The following PPP3CA variants were observed in gnomAD, a reference collection of about 807,000 sequenced individuals.
PPP3CA encodes the protein protein phosphatase 3 catalytic subunit alpha, also known as CAM-PRP catalytic subunit.
PPP3CA carries 14 observed loss-of-function variants against 66.5 expected under a neutral mutation model. The ratio of observed to expected loss-of-function variants is 0.21; its 90% CI spans 0.14 to 0.33. The LOEUF (loss-of-function observed/expected upper bound fraction) is 0.33, where lower values mean the gene tolerates loss of function less well. PPP3CA is among the 10% of genes least tolerant of loss of function. The pLI is 1.00. For synonymous variants in PPP3CA, 232 were observed against 226.2 expected, an observed-to-expected ratio of 1.03 and a Z score of -0.23; for missense variants, 317 against 639.5, an observed-to-expected ratio of 0.50 and a Z score of 5.44.
intron 2 of PPP3CA, among the ~76,000 whole-genome samples, chr4:101,141,548 C>T (rs529710881): frequency 1.4e-4 from 21 of 152,216 alleles, no homozygotes; most frequent in Non-Finnish European, 1.8e-4. Flanking sequence ...CTTCCTTTAC[C>T]TACAGAATTA....
chr4:101,226,607 C>T (rs553030164), intron 1 of PPP3CA, among the ~76,000 whole-genome samples: 2 of 151,810 alleles, frequency 1.3e-5, no homozygotes, highest in African/African-American at 4.8e-5. Flanking sequence ...AAATGCACAA[C>T]TGTGTTTCTT....
chr4:101,155,784 T>C (rs1200232077), intron 2 of PPP3CA, among the ~76,000 whole-genome samples: 1 of 152,234 alleles, frequency 6.6e-6, no homozygotes, highest in African/African-American at 2.4e-5. Context: ...TATTTTAACT[T>C]GAAATAATTT....
At chr4:101,176,008 G>A (rs958133588) in intron 2 of PPP3CA, among the ~76,000 whole-genome samples, 5 of 152,092 alleles carry the variant, frequency 3.3e-5, no homozygotes, top group Admixed American at 3.3e-4. Flanking sequence ...AATTACGGGA[G>A]AAGATGAGGG....
intron 6 of PPP3CA, among the ~76,000 whole-genome samples, chr4:101,093,416 T>G (rs983381616): frequency 1.3e-4 from 20 of 152,016 alleles, no homozygotes; most frequent in African/African-American, 4.6e-4. Context: ...GTTTTTTTTT[T>G]TTTAGATACA....
At chr4:101,204,360 G>C (rs948933314) in intron 1 of PPP3CA, among the ~76,000 whole-genome samples, 2 of 151,954 alleles carry the variant, frequency 1.3e-5, no homozygotes, top group Non-Finnish European at 1.5e-5. Flanking sequence ...AAGTAGGCCG[G>C]GCTCAGTGGC....
At chr4:101,315,319 T>C (rs935683145) in intron 1 of PPP3CA, among the ~76,000 whole-genome samples, 3 of 152,200 alleles carry the variant, frequency 2.0e-5, no homozygotes, top group Non-Finnish European at 2.9e-5. Flanking sequence ...AACCATCTAA[T>C]CTAAGGCATT....
At chr4:101,273,137 G>GAC (rs2110268497) in intron 1 of PPP3CA, among the ~76,000 whole-genome samples, 1 of 21,496 alleles carries the variant, frequency 4.7e-5, no homozygotes, top group African/African-American at 6.1e-4. Context: ...AAGTAGGATA[G>GAC]ATATTGTTTT....
chr4:101,150,186 G>C (rs529979478), intron 2 of PPP3CA, among the ~76,000 whole-genome samples: 49 of 152,284 alleles, frequency 3.2e-4, no homozygotes, highest in African/African-American at 1.1e-3. Flanking sequence ...GAAAGATTCA[G>C]AATAGGCCCA....
At chr4:101,184,993 T>C (rs761092496) in intron 2 of PPP3CA, among the ~76,000 whole-genome samples, 70 of 152,266 alleles carry the variant, frequency 4.6e-4, no homozygotes, top group Middle Eastern at 3.4e-3. Context: ...GCAAGCTATA[T>C]GCCTTAGTTA....
chr4:101,273,617 A>T (rs2583388), intron 1 of PPP3CA, among the ~76,000 whole-genome samples: 3 of 152,184 alleles, frequency 2.0e-5, no homozygotes, highest in Non-Finnish European at 4.4e-5. Flanking sequence ...GAGCCACCAC[A>T]CCTGGCCTTT....
At chr4:101,222,018 C>T (rs2851004) in intron 1 of PPP3CA, among the ~76,000 whole-genome samples, 2 of 150,994 alleles carry the variant, frequency 1.3e-5, no homozygotes, top group Admixed American at 6.6e-5. Flanking sequence ...TTTTCTTTAA[C>T]GATCTATTGA....
chr4:101,158,224 C>CA (rs1249288185), intron 2 of PPP3CA: 11 of 152,226 alleles, frequency 7.2e-5, no homozygotes, highest in Non-Finnish European at 2.9e-5. Context: ...GTCATCATCT[C>CA]AGAGTCCCCT....
intron 8 of PPP3CA, among the ~76,000 whole-genome samples, chr4:101,066,385 T>C (rs1052610435): frequency 3.3e-5 from 5 of 152,152 alleles, no homozygotes; most frequent in Admixed American, 2.6e-4. Flanking sequence ...CGTGGGTTTA[T>C]AGATAATTTA....
chr4:101,101,234 T>C (rs1049605733), intron 3 of PPP3CA, among the ~76,000 whole-genome samples: 2 of 152,206 alleles, frequency 1.3e-5, no homozygotes, highest in African/African-American at 4.8e-5. Context: ...TCTGTTGATG[T>C]ATGTAACGTT....
Position 101,029,076 on chromosome 4 carries a change from ACT to A in PPP3CA, c.1369+88_1369+89del, listed in dbSNP as rs1324591866. The A allele has an allele frequency of 1.6e-5, 21 of 1,274,586 alleles. No homozygotes were observed. In the Admixed American group the frequency reaches 3.0e-4, roughly 18 times the overall value. The allele number at this position is 1,274,586 out of a possible 1,614,324, so 79.0% of individuals were successfully genotyped here. On this transcript the variant is annotated intron_variant, in intron 13 of 13. Coordinates refer to ENST00000394854, the MANE Select transcript of PPP3CA (RefSeq NM_000944.5). ...ACAACTGTTAGCTCAACACCCACAC[ACT>A]CTGTACAAGCTACAGCAAAAAAATG...
intron 2 of PPP3CA, among the ~76,000 whole-genome samples, chr4:101,153,225 C>T (rs1362453030): frequency 6.6e-6 from 1 of 152,098 alleles, no homozygotes; most frequent in African/African-American, 2.4e-5. Context: ...TGTGCAGAAA[C>T]TCTGTGTGTG....
intron 1 of PPP3CA, among the ~76,000 whole-genome samples, chr4:101,215,220 G>A (rs530723448): frequency 1.3e-4 from 19 of 151,746 alleles, no homozygotes; most frequent in Admixed American, 2.0e-4. Flanking sequence ...TAGTATGTGC[G>A]TTGAAGCCAA....
chr4:101,310,830 T>C (rs982401629), intron 1 of PPP3CA, among the ~76,000 whole-genome samples: 1 of 152,112 alleles, frequency 6.6e-6, no homozygotes, highest in African/African-American at 2.4e-5. Flanking sequence ...TCAAATTAAA[T>C]AAAAACTATA....
intron 1 of PPP3CA, among the ~76,000 whole-genome samples, chr4:101,340,629 G>A (rs1449608143): frequency 1.3e-5 from 2 of 152,104 alleles, no homozygotes; most frequent in African/African-American, 4.8e-5. Context: ...TGGAATTATT[G>A]TAAAATAAAA....
Sources: gnomAD v4.1 joint callset for allele counts (sites outside exome capture counted in the v4.1 genomes callset) on GRCh38, gnomAD v4.1.1 for gene constraint, MANE v1.5 for transcripts, NCBI Gene and HGNC (gene_info 2026-07-23, HGNC 2026-07-21) for gene names.